The following LRRC49 variants were observed in gnomAD, a reference collection of about 807,000 sequenced individuals.
LRRC49 encodes the protein leucine-rich repeat-containing protein 49.
Under a neutral mutation model 83.3 loss-of-function variants are expected in LRRC49, and 50 were observed. The observed-to-expected ratio is 0.60, with a 90% confidence interval of 0.48 to 0.76. The LOEUF (loss-of-function observed/expected upper bound fraction) is 0.76, where lower values mean the gene tolerates loss of function less well. Ranked by LOEUF, LRRC49 falls within the 30% of genes least tolerant of loss-of-function variation. The pLI, the probability that LRRC49 is intolerant of heterozygous loss-of-function variation, is 0.00. For missense variants in LRRC49, 704 were observed against 809.1 expected (o/e 0.87, Z 1.58); for synonymous variants, 286 against 283.3 (o/e 1.01, Z -0.10).
At chr15:71,027,978 T>C (rs971660019) in intron 14 of LRRC49, among the ~76,000 whole-genome samples, 8 of 152,216 alleles carry the variant, frequency 5.3e-5, no homozygotes, top group African/African-American at 1.9e-4. Context: ...CTTCCAATAC[T>C]ATGTTGAATA....
At chr15:70,985,471 G>A (rs2037572731) in intron 11 of LRRC49, among the ~76,000 whole-genome samples, 2 of 152,066 alleles carry the variant, frequency 1.3e-5, no homozygotes, top group African/African-American at 4.8e-5. Context: ...CTTTTTGATG[G>A]GGTTGTTTGT....
At chr15:70,903,241 A>G (rs1473680964) in intron 4 of LRRC49, among the ~76,000 whole-genome samples, 1 of 151,994 alleles carries the variant, frequency 6.6e-6, no homozygotes, top group Non-Finnish European at 1.5e-5. Flanking sequence ...TTATTAATTT[A>G]TAATTTATAT....
In LRRC49 at chr15:71,012,784, T is replaced by C; in HGVS notation, c.1594-20T>C. 1 of 1,463,918 alleles carries C rather than the reference T, an allele frequency of 6.8e-7. No homozygotes were observed. Among genetic ancestry groups the C allele is most frequent in the Non-Finnish European group, 9.5e-7 (1 of 1,051,736 alleles). 90.7% of individuals were successfully genotyped at this position (1,463,918 alleles called of 1,614,324 possible). ...AGAGTTGGTGTCATTTTTTTACCCC[T>C]TTCTATTGTGTCTCTTCAGGTGACA... On this transcript the variant is annotated intron_variant, in intron 13 of 15. Coordinates refer to ENST00000260382, the MANE Select transcript of LRRC49 (RefSeq NM_017691.5).
rs191822696 is a variant in LRRC49, at chr15:70,965,525, A to G, written c.921+1593A>G. ...AGTCTTTCTTTGATTTTCATGACTG[A>G]TATTTATGAAAATTACAGGTTAGTT... On this transcript the variant is annotated intron_variant, in intron 9 of 15. Transcript: ENST00000260382. 2.1e-3 allele frequency among the ~76,000 whole-genome samples: 326 copies of G among 152,160 alleles called. 2 individuals carry two copies. The highest frequency in any genetic ancestry group is 3.8e-3 in the Non-Finnish European group (259 of 67,950).
At chr15:70,932,812 C>T (rs1378997419) in intron 7 of LRRC49, among the ~76,000 whole-genome samples, 2 of 147,776 alleles carry the variant, frequency 1.4e-5, no homozygotes, top group Admixed American at 1.4e-4. Flanking sequence ...TAACTGCAAC[C>T]TCCGCCTCCC....
rs753214485 is a variant in LRRC49, at chr15:70,895,873, A to G, written c.130A>G (p.Thr44Ala). The change falls in exon 3 of 16, where the codon ACA (threonine) becomes GCA (alanine). Residue 44 changes from threonine (T) to alanine (A), a missense_variant. Around this residue, in one of 3 missense-constraint regions of LRRC49, gnomAD observed 261 missense variants for 330.5 expected, o/e 0.79. Transcript: ENST00000260382. ...GGTTGAATTCAAGCTAAATAAAGACACATCGTCATTCCCCGGTAGACTTTT... is the reference window on the plus strand; with the variant it reads ...GGTTGAATTCAAGCTAAATAAAGACGCATCGTCATTCCCCGGTAGACTTTT... ...NKVEFKLNKDTSSFPGRLLQH... is the reference protein window; with the variant it reads ...NKVEFKLNKDASSFPGRLLQH... 4 of 1,611,048 alleles carry G rather than the reference A, an allele frequency of 2.5e-6. No individual in the cohort carries two copies. The highest frequency in any genetic ancestry group is 3.4e-6 in the Non-Finnish European group (4 of 1,178,632).
At chr15:70,926,765 G>A (rs984875908) in intron 7 of LRRC49, among the ~76,000 whole-genome samples, 14 of 151,674 alleles carry the variant, frequency 9.2e-5, no homozygotes, top group East Asian at 1.9e-4. Context: ...GAGAACATGC[G>A]GTGTTTGGTT....
At chr15:70,960,837 A>C (rs1222473454) in intron 8 of LRRC49, among the ~76,000 whole-genome samples, 1 of 152,194 alleles carries the variant, frequency 6.6e-6, no homozygotes, top group Non-Finnish European at 1.5e-5. Flanking sequence ...TTCTAAAGAA[A>C]ACTTAGGAGA....
Position 70,893,636 on chromosome 15 carries a change from AC to A in LRRC49, c.102del (p.Asn34LysfsTer7). 1 of 1,609,216 alleles carries A rather than the reference AC, an allele frequency of 6.2e-7. No homozygotes were observed. The highest frequency in any genetic ancestry group is 8.5e-7 in the Non-Finnish European group (1 of 1,176,820). ...CAAACATCATCGCTTCCTGAAAAAAACAAAGTAAGATTTAAGAAGGTTGGCA... is the reference window on the plus strand; with the variant it reads ...CAAACATCATCGCTTCCTGAAAAAAAAAAGTAAGATTTAAGAAGGTTGGCA... ...VIQTSSLPEK[N>X]KVEFKLNKDT... On this transcript the variant is annotated frameshift_variant, in exon 2 of 16. Coordinates refer to ENST00000260382, the MANE Select transcript of LRRC49 (RefSeq NM_017691.5). LOFTEE classifies it high-confidence loss of function.
rs1256061436 is a variant in LRRC49, at chr15:70,926,894, C to G, written c.711+7701C>G. The stretch of plus-strand genomic sequence containing the variant: ...CTCAAACAAATTTACAAGGAAAAAA[C>G]AAACAACCCCACCAAAAATTGGGCA... On this transcript the variant is annotated intron_variant, in intron 7 of 15. Coordinates refer to ENST00000260382, the MANE Select transcript of LRRC49 (RefSeq NM_017691.5). Among the ~76,000 whole-genome samples the G allele has an allele frequency of 3.3e-5, 5 of 152,250 alleles. No individual in the cohort carries two copies. The East Asian group carries it at 9.7e-4, about 29-fold the overall frequency.
intron 11 of LRRC49, among the ~76,000 whole-genome samples, chr15:70,990,327 C>T (rs928325441): frequency 1.3e-5 from 2 of 152,212 alleles, no homozygotes; most frequent in Admixed American, 6.5e-5. Context: ...CCTAAGCAAG[C>T]CTGGGCAATG....
chr15:70,869,957 T>TA (rs528689729), intron 1 of LRRC49, among the ~76,000 whole-genome samples: 16 of 148,376 alleles, frequency 1.1e-4, no homozygotes, highest in South Asian at 4.2e-4. Context: ...GAGCTGCAGC[T>TA]AAAAAAAAAA....
chr15:70,961,262 A>C (rs1759677333), intron 8 of LRRC49, among the ~76,000 whole-genome samples: 1 of 152,182 alleles, frequency 6.6e-6, no homozygotes, highest in Admixed American at 6.5e-5. Flanking sequence ...CAGAACACAG[A>C]TACCAAATGC....
intron 11 of LRRC49, among the ~76,000 whole-genome samples, chr15:70,988,020 A>T (rs561939690): frequency 1.1e-3 from 165 of 151,780 alleles, no homozygotes; most frequent in African/African-American, 3.7e-3. Flanking sequence ...ATAATTTCTG[A>T]TCTTTTACAT....
At chr15:70,977,787 C>A (rs933887619) in intron 9 of LRRC49, among the ~76,000 whole-genome samples, 4 of 151,964 alleles carry the variant, frequency 2.6e-5, no homozygotes, top group Non-Finnish European at 5.9e-5. Flanking sequence ...CTAAACTCTT[C>A]TTTATCTATC....
upstream of LRRC49, chr15:70,892,808 A>T: frequency 6.2e-7 from 1 of 1,613,440 alleles, no homozygotes; most frequent in Non-Finnish European, 8.5e-7. Context: ...GTTGCCTGGG[A>T]GATGACCTCT....
chr15:70,962,348 A>G (rs2036630944), intron 8 of LRRC49, among the ~76,000 whole-genome samples: 1 of 152,178 alleles, frequency 6.6e-6, no homozygotes, highest in South Asian at 2.1e-4. Context: ...ACTTAGAGAA[A>G]TATTTATAGA....
At chr15:70,940,716 T>C (rs538529876) in intron 8 of LRRC49, among the ~76,000 whole-genome samples, 11 of 152,334 alleles carry the variant, frequency 7.2e-5, no homozygotes, top group African/African-American at 2.4e-4. Flanking sequence ...GCCTTTACTT[T>C]TCCTTTGTTA....
In LRRC49 at chr15:70,901,012, T is replaced by G; in HGVS notation, c.284T>G (p.Leu95Trp). ...GAGAAAATTCTTTACTCAGACAGGT[T>G]GAGCCTAGAAAGGTGAGGACAATTT... ...SEEKILYSDRLSLERQKLTVC... is the reference protein window; with the variant it reads ...SEEKILYSDRWSLERQKLTVC... Residue 95 changes from leucine (L) to tryptophan (W), a missense_variant, in exon 4 of 16, where the codon TTG (leucine) becomes TGG (tryptophan). Physicochemically the swap from Leu to Trp is moderately conservative, Grantham distance 61 (BLOSUM62 -2). This residue lies in a region of LRRC49 where 261 missense variants were observed against 330.5 expected (regional missense o/e 0.79). Coordinates refer to ENST00000260382, the MANE Select transcript of LRRC49 (RefSeq NM_017691.5). The G allele has an allele frequency of 6.2e-7, 1 of 1,603,634 alleles. No homozygotes were observed. The highest frequency in any genetic ancestry group is 8.5e-7 in the Non-Finnish European group (1 of 1,173,238).
Sources: gnomAD v4.1 joint callset for allele counts (sites outside exome capture counted in the v4.1 genomes callset) on GRCh38, gnomAD v4.1.1 for gene constraint, gnomAD v4.1.1 regional missense constraint, MANE v1.5 for transcripts, NCBI Gene and HGNC (gene_info 2026-07-23, HGNC 2026-07-21) for gene names.